TENM4: variants seen among roughly 807,000 people sequenced by gnomAD.
TENM4 encodes the protein teneurin-4.
Under a neutral mutation model 243.3 loss-of-function variants are expected in TENM4, and 82 were observed. The ratio of observed to expected loss-of-function variants is 0.34; its 90% CI spans 0.28 to 0.40. The LOEUF (loss-of-function observed/expected upper bound fraction) is 0.40. Among genes scored for constraint, TENM4 ranks in the 10% least tolerant of loss-of-function variants. TENM4 has a pLI of 1.00. For missense variants in TENM4, 3,138 were observed against 3,673.3 expected (o/e 0.85, Z 3.77); for synonymous variants, 1,412 against 1,456.3 (o/e 0.97, Z 0.69).
At chr11:79,221,177 T>C (rs2135238942) in intron 2 of TENM4, 1 of 152,312 alleles carries the variant, frequency 6.6e-6, no homozygotes, top group South Asian at 2.1e-4. Context: ...TGGATTCAAA[T>C]CCTGGCTGTG....
rs185877865 is a variant in TENM4 at position 78,973,200 on chromosome 11, C to A, written c.494-69677G>T. The stretch of plus-strand genomic sequence containing the variant: ...TGTTTTTACCTCTTTTGGGTATACA[C>A]CTAGGAGTGGAATTGCTGAATTGTA... On this transcript the variant is annotated intron_variant, in intron 6 of 33. Transcript: ENST00000278550. Among the ~76,000 whole-genome samples the A allele has an allele frequency of 2.6e-5, 4 of 152,314 alleles. No individual in the cohort carries two copies. The East Asian group carries it at 7.7e-4, about 29-fold the overall frequency.
intron 2 of TENM4, among the ~76,000 whole-genome samples, chr11:79,242,876 G>C (rs1033669247): frequency 6.6e-6 from 1 of 152,168 alleles, no homozygotes; most frequent in Admixed American, 6.5e-5. Flanking sequence ...CCAAACTTTA[G>C]TTCCCAAATC....
intron 5 of TENM4, among the ~76,000 whole-genome samples, chr11:79,068,616 G>A (rs921413310): frequency 2.0e-5 from 3 of 152,190 alleles, no homozygotes; most frequent in African/African-American, 7.2e-5. Context: ...ATAGCACAGT[G>A]CTCAGCTGAC....
chr11:79,285,138 T>G (rs963412288), intron 2 of TENM4, among the ~76,000 whole-genome samples: 1 of 151,958 alleles, frequency 6.6e-6, no homozygotes, highest in African/African-American at 2.4e-5. Flanking sequence ...CTTGGGAGGA[T>G]GAGGCAGGAG....
intron 12 of TENM4, among the ~76,000 whole-genome samples, chr11:78,841,794 C>T (rs1244729743): frequency 1.3e-5 from 2 of 152,120 alleles, no homozygotes; most frequent in Non-Finnish European, 2.9e-5. Flanking sequence ...GTAACTGTTT[C>T]CACTCTATGC....
chr11:79,139,204 AAT>A (rs1862209892), intron 4 of TENM4, among the ~76,000 whole-genome samples: 1 of 38,878 alleles, frequency 2.6e-5, no homozygotes, highest in Non-Finnish European at 4.1e-5. Flanking sequence ...TATTTCTATA[AAT>A]ATATAAAATA....
chr11:78,893,679 CCCT>C (rs1855718613), intron 7 of TENM4, among the ~76,000 whole-genome samples: 2 of 151,954 alleles, frequency 1.3e-5, no homozygotes, highest in Non-Finnish European at 2.9e-5. Context: ...CTCCTTCCTC[CCCT>C]CCTCAACTAT....
intron 4 of TENM4, among the ~76,000 whole-genome samples, chr11:79,080,412 G>T (rs1264394374): frequency 1.3e-5 from 2 of 152,266 alleles, no homozygotes; most frequent in African/African-American, 4.8e-5. Context: ...CACTGCATCA[G>T]GTGGGGTGGG....
At chr11:78,887,305 T>C (rs927232512) in intron 9 of TENM4, among the ~76,000 whole-genome samples, 3 of 152,228 alleles carry the variant, frequency 2.0e-5, no homozygotes, top group Non-Finnish European at 4.4e-5. Context: ...ATGCCTACTT[T>C]AAAATTCAGC....
intron 1 of TENM4, among the ~76,000 whole-genome samples, chr11:79,326,610 T>C (rs1421137738): frequency 4.6e-5 from 7 of 152,190 alleles, no homozygotes; most frequent in African/African-American, 1.2e-4. Flanking sequence ...CAGATTCAGG[T>C]TGGATTCTCC....
intron 2 of TENM4, among the ~76,000 whole-genome samples, chr11:79,288,126 G>A (rs910198541): frequency 6.6e-6 from 1 of 152,188 alleles, no homozygotes; most frequent in African/African-American, 2.4e-5. Flanking sequence ...AACCCAGGTT[G>A]GTCCCCTTGT....
chr11:79,082,592 T>C (rs1412620129), intron 4 of TENM4, among the ~76,000 whole-genome samples: 1 of 152,182 alleles, frequency 6.6e-6, no homozygotes, highest in Non-Finnish European at 1.5e-5. Flanking sequence ...TGCACCCATG[T>C]GTGCACACAC....
chr11:79,366,751 T>C (rs943539720), intron 1 of TENM4, among the ~76,000 whole-genome samples: 1 of 152,220 alleles, frequency 6.6e-6, no homozygotes, highest in African/African-American at 2.4e-5. Context: ...CTTTCTTGTG[T>C]TTCTAGGCCC....
chr11:79,356,006 C>T (rs938824705), intron 1 of TENM4, among the ~76,000 whole-genome samples: 7 of 152,232 alleles, frequency 4.6e-5, no homozygotes, highest in African/African-American at 1.7e-4. Flanking sequence ...TTACTTAGGT[C>T]TACTGCCTCG....
rs1858269694 is a variant in TENM4 at position 78,669,799 on chromosome 11, C to T, written c.6546G>A (p.Lys2182=). The change falls in exon 32 of 34, where the codon AAG becomes AAA. Residue 2182 remains lysine, a synonymous_variant. Transcript: ENST00000278550. The surrounding 1 kb of genome is among the most constrained non-coding windows in gnomAD (Gnocchi z 6.4). The part of the protein sequence containing the change: ...NMGRVVKKEL[K]VGPYANTTRY... ...GAGTGGTATTGGCGTAGGGTCCTAC[C>T]TTCAGCTCCTTCTTCACTACTCGCC... The T allele has an allele frequency of 6.2e-7, 1 of 1,613,964 alleles. No homozygotes were observed. Among genetic ancestry groups the T allele is most frequent in the African/African-American group, 1.3e-5 (1 of 75,040 alleles).
At chr11:78,742,348 C>G (rs2135914671) in intron 19 of TENM4, among the ~76,000 whole-genome samples, 1 of 152,248 alleles carries the variant, frequency 6.6e-6, no homozygotes, top group South Asian at 2.1e-4. Flanking sequence ...ACTTCTGAGG[C>G]CTTAATCTTA....
At chr11:79,150,066 C>T (rs1938942) in intron 3 of TENM4, among the ~76,000 whole-genome samples, 2 of 151,878 alleles carry the variant, frequency 1.3e-5, no homozygotes, top group African/African-American at 4.8e-5. Context: ...GTGATTTATT[C>T]AGTCCTCAAT....
chr11:78,822,616 T>A (rs1304848173), intron 12 of TENM4, among the ~76,000 whole-genome samples: 4 of 152,000 alleles, frequency 2.6e-5, no homozygotes, highest in African/African-American at 9.7e-5. Flanking sequence ...AGTTAAGGCA[T>A]GTGGGGCTTA....
intron 2 of TENM4, among the ~76,000 whole-genome samples, chr11:79,217,253 G>A (rs1050192035): frequency 2.0e-5 from 3 of 152,118 alleles, no homozygotes; most frequent in African/African-American, 4.8e-5. Flanking sequence ...GAAGGAATAG[G>A]AATTTGAATA....
Sources: allele counts gnomAD v4.1 joint callset (sites outside exome capture counted in the v4.1 genomes callset), GRCh38; gene constraint gnomAD v4.1.1; non-coding constraint Gnocchi (gnomAD v3.1); transcripts MANE v1.5; gene names NCBI Gene and HGNC (gene_info 2026-07-23, HGNC 2026-07-21).